Variants in FSIP2 observed in about 807,000 individuals in gnomAD.
FSIP2 encodes fibrous sheath interacting protein 2, also known as fibrous sheath-interacting protein 2.
A neutral mutation model predicts 510.5 loss-of-function variants in FSIP2; 367 were observed. That is an observed-to-expected ratio of 0.72 (90% CI 0.66 to 0.78). The LOEUF (loss-of-function observed/expected upper bound fraction) is 0.78. FSIP2 is among the 30% of genes least tolerant of loss of function. The probability of loss-of-function intolerance (pLI) is 0.00; values close to 1 mark genes in which losing one functional copy is unlikely to be tolerated. For missense variants in FSIP2, 7,594 were observed against 7,901.7 expected, an observed-to-expected ratio of 0.96 and a Z score of 1.48; for synonymous variants, 2,601 against 2,732.2, an observed-to-expected ratio of 0.95 and a Z score of 1.50.
chr2:185,748,889 C>T (rs1224929093), intron 7 of FSIP2, among the ~76,000 whole-genome samples: 1 of 152,038 alleles, frequency 6.6e-6, no homozygotes, highest in Non-Finnish European at 1.5e-5. Flanking sequence ...TGTTTCATTA[C>T]ATTATTATGT....
intron 11 of FSIP2, among the ~76,000 whole-genome samples, chr2:185,762,477 A>G (rs1692373766): frequency 6.6e-6 from 1 of 151,394 alleles, no homozygotes. Flanking sequence ...CATATCTGAC[A>G]TATGCATACA....
rs1231467845 is a variant in FSIP2, at chr2:185,799,841, C to T, written c.10535C>T (p.Ser3512Leu). ...GAGTCAGTACTTTACCATTTAACTT[C>T]GAGCATTTCTGATGGCACCAAAAAG... Reference protein sequence around the residue: ...LTESVLYHLTSSISDGTKKGR... With the variant: ...LTESVLYHLTLSISDGTKKGR... Residue 3512 changes from serine (S) to leucine (L), a missense_variant, in exon 17 of 23, where the codon TCG becomes TTG. Ser to Leu is a moderately radical substitution (Grantham distance 145). Transcript: ENST00000424728. The T allele has an allele frequency of 2.0e-5, 30 of 1,532,334 alleles. No individual in the cohort carries two copies. Among genetic ancestry groups the T allele is most frequent in the Non-Finnish European group, 2.2e-5 (25 of 1,144,484 alleles). 94.9% of individuals were successfully genotyped at this position (1,532,334 alleles called of 1,614,324 possible). A position where few individuals can be genotyped will look rare whatever the true frequency, so the allele number is the denominator to read the frequency against.
intron 13 of FSIP2, among the ~76,000 whole-genome samples, chr2:185,770,323 C>A (rs1327351037): frequency 6.6e-6 from 1 of 152,068 alleles, no homozygotes; most frequent in Non-Finnish European, 1.5e-5. Flanking sequence ...GTATTTCATT[C>A]ATTTTCTGGT....
intron 13 of FSIP2, among the ~76,000 whole-genome samples, chr2:185,781,380 A>G (rs1692845787): frequency 6.6e-6 from 1 of 152,216 alleles, no homozygotes; most frequent in South Asian, 2.1e-4. Context: ...CTAAGCTATT[A>G]TGTTCAGCAG....
intron 6 of FSIP2, 134 bp from the exon 7 acceptor site, chr2:185,747,179 G>A (rs962336764): frequency 1.2e-4 from 66 of 569,402 alleles, no homozygotes; most frequent in Middle Eastern, 6.3e-4. Context: ...TAAACCGAAC[G>A]TATGCCTTTC....
In FSIP2 at chr2:185,801,686, T is replaced by C; in HGVS notation, c.12380T>C (p.Leu4127Pro). 6.5e-7 allele frequency: 1 copy of C among 1,526,854 alleles called. No homozygotes were observed. Among genetic ancestry groups the C allele is most frequent in the South Asian group, 1.2e-5 (1 of 82,426 alleles). The allele number at this position is 1,526,854 out of a possible 1,614,324, so 94.6% of individuals were successfully genotyped here. A position where few individuals can be genotyped will look rare whatever the true frequency, so the allele number is the denominator to read the frequency against. Residue 4127 changes from leucine (L) to proline (P), a missense_variant, in exon 17 of 23, where the codon CTA becomes CCA. Leu to Pro is a moderately conservative substitution (Grantham distance 98, BLOSUM62 -3). Transcript: ENST00000424728. ...AGTAACCTAACAGAATTTACTTCTC[T>C]ACCCAGGTCTTCATCAGACTATAGT... ...LQSNLTEFTSLPRSSSDYSTM... is the reference protein window; with the variant it reads ...LQSNLTEFTSPPRSSSDYSTM...
chr2:185,741,575 CTT>C (rs1345184587), intron 2 of FSIP2, among the ~76,000 whole-genome samples: 1 of 152,138 alleles, frequency 6.6e-6, no homozygotes, highest in Non-Finnish European at 1.5e-5. Flanking sequence ...TACTCCTTGA[CTT>C]ATTATTATTG....
chr2:185,739,989 T>G (rs1335759675), intron 2 of FSIP2, among the ~76,000 whole-genome samples: 2 of 152,200 alleles, frequency 1.3e-5, no homozygotes, highest in Non-Finnish European at 2.9e-5. Context: ...TAACCTTACT[T>G]TAATGAAAGA....
At chr2:185,776,896 G>T (rs1198198844) in intron 13 of FSIP2, among the ~76,000 whole-genome samples, 2 of 152,008 alleles carry the variant, frequency 1.3e-5, no homozygotes, top group Non-Finnish European at 2.9e-5. Flanking sequence ...GCTAATTTTT[G>T]TATTTTTAGT....
chr2:185,767,318 TA>T (rs1454342408), intron 13 of FSIP2, among the ~76,000 whole-genome samples: 2 of 148,676 alleles, frequency 1.3e-5, no homozygotes, highest in Non-Finnish European at 3.0e-5. Context: ...TAAAGTATAA[TA>T]AAAAATAAAA....
In FSIP2 at chr2:185,804,255, G is replaced by C. The variant is rs1307064007; in HGVS notation, c.14949G>C (p.Arg4983Ser). Residue 4983 changes from arginine to serine, a missense_variant, in exon 17 of 23, where the codon AGG becomes AGC. Physicochemically the swap from Arg to Ser is moderately radical, Grantham distance 110. Coordinates refer to ENST00000424728, the MANE Select transcript of FSIP2 (RefSeq NM_173651.4). ...NPDRVKLKLT[R>S]IVTTLVNSIV... is the part of the protein sequence containing the mutation. ...ATAGAGTGAAACTGAAACTTACCAG[G>C]ATTGTTACAACATTGGTAAATTCAA... 1 of 1,529,072 alleles carries C rather than the reference G, an allele frequency of 6.5e-7. No homozygotes were observed. The highest frequency in any genetic ancestry group is 8.7e-7 in the Non-Finnish European group (1 of 1,143,394). The allele number at this position is 1,529,072 out of a possible 1,614,324, so 94.7% of individuals were successfully genotyped here. A position where few individuals can be genotyped will look rare whatever the true frequency, so the allele number is the denominator to read the frequency against.
intron 13 of FSIP2, among the ~76,000 whole-genome samples, chr2:185,776,697 C>T (rs1423566453): frequency 6.6e-6 from 1 of 152,012 alleles, no homozygotes; most frequent in African/African-American, 2.4e-5. Flanking sequence ...TATGGATATA[C>T]AAAATAAGTC....
At chr2:185,822,162 C>CA (rs1177566420) in intron 19 of FSIP2, among the ~76,000 whole-genome samples, 10 of 151,446 alleles carry the variant, frequency 6.6e-5, no homozygotes, top group Non-Finnish European at 1.3e-4. Context: ...CAGGGACAAA[C>CA]AAAAAAACAA....
At chr2:185,769,292 C>T (rs545465755) in intron 13 of FSIP2, among the ~76,000 whole-genome samples, 1 of 152,254 alleles carries the variant, frequency 6.6e-6, no homozygotes, top group African/African-American at 2.4e-5. Flanking sequence ...ACCTTGCCAG[C>T]ATCTATTATT....
In FSIP2 at chr2:185,792,123, T is replaced by G. The variant is rs1693146294; in HGVS notation, c.4987T>G (p.Ser1663Ala). The change falls in exon 16 of 23, where the codon TCA becomes GCA. Residue 1663 changes from serine (S) to alanine (A), a missense_variant. By Grantham distance (99) the Ser-to-Ala change is moderately conservative. Coordinates refer to ENST00000424728, the MANE Select transcript of FSIP2 (RefSeq NM_173651.4). ...TCAAACAGAATTAAATGTGACCTCATCAGATTTGAAGACAAGTGTAGAAAA... is the reference window on the plus strand; with the variant it reads ...TCAAACAGAATTAAATGTGACCTCAGCAGATTTGAAGACAAGTGTAGAAAA... ...VIQTELNVTS[S>A]DLKTSVENPP... is the part of the protein sequence containing the mutation. 1 of 1,533,994 alleles carries G rather than the reference T, an allele frequency of 6.5e-7. No individual in the cohort carries two copies. Among genetic ancestry groups the G allele is most frequent in the Non-Finnish European group, 8.7e-7 (1 of 1,145,464 alleles).
chr2:185,743,085 A>G (rs1691955264), intron 2 of FSIP2, 48 bp from the exon 3 acceptor site: 6 of 1,185,186 alleles, frequency 5.1e-6, no homozygotes, highest in Non-Finnish European at 6.7e-6. Context: ...TAGATTATTT[A>G]AAGTGAAAAT....
At position 185,777,291 on chromosome 2, in the gene FSIP2, T is replaced by C. The variant is rs1243359521; in HGVS notation, c.1412-5414T>C. On this transcript the variant is annotated intron_variant, in intron 13 of 22. Transcript: ENST00000424728. ...AATATTTACTAATATATTAATCCTG[T>C]CCCCATAACACAGAAGTAACTGTGT... Among the ~76,000 whole-genome samples the C allele has an allele frequency of 2.6e-5, 4 of 152,048 alleles. No individual in the cohort carries two copies. The East Asian group carries it at 7.7e-4, about 29-fold the overall frequency.
intron 21 of FSIP2, among the ~76,000 whole-genome samples, chr2:185,830,406 T>C (rs1355445442): frequency 6.6e-6 from 1 of 151,902 alleles, no homozygotes; most frequent in African/African-American, 2.4e-5. Context: ...AACAGATACA[T>C]GTTTTCACAT....
Position 185,808,056 on chromosome 2 carries a change from A to T in FSIP2, c.18750A>T (p.Glu6250Asp), listed in dbSNP as rs759916604. 30 of 1,610,492 alleles carry T rather than the reference A, an allele frequency of 1.9e-5. No individual in the cohort carries two copies. The Admixed American group carries it at 2.7e-4, about 14-fold the overall frequency. Residue 6250 changes from glutamate to aspartate, a missense_variant, in exon 17 of 23, where the codon GAA becomes GAT. Glu to Asp is a conservative substitution (Grantham distance 45). Transcript: ENST00000424728. ...CTGTAGCTGATAATGCAACTATTGA[A>T]AACATAGTTAATTCTATTTATACCA... ...TVPVADNATI[E>D]NIVNSIYTSV...
Sources: gnomAD v4.1 joint callset for allele counts (sites outside exome capture counted in the v4.1 genomes callset) on GRCh38, gnomAD v4.1.1 for gene constraint, MANE v1.5 for transcripts, NCBI Gene and HGNC (gene_info 2026-07-23, HGNC 2026-07-21) for gene names.